Variants in TRDN observed in about 807,000 individuals in gnomAD.
TRDN encodes the protein triadin in skeletal muscle.
In TRDN, 161 loss-of-function variants were observed where a neutral mutation model predicts 149.7. That is an observed-to-expected ratio of 1.08 (90% CI 0.95 to 1.23). The LOEUF is 1.23. Ranked by LOEUF, TRDN falls within the 50% of genes most tolerant of loss-of-function variation. The pLI is 0.00. For missense variants in TRDN, 896 were observed against 823.5 expected (o/e 1.09, Z -1.08); for synonymous variants, 294 against 250.5 (o/e 1.17, Z -1.64).
intron 21 of TRDN, among the ~76,000 whole-genome samples, chr6:123,339,653 C>T (rs1206206563): frequency 6.6e-6 from 1 of 152,080 alleles, no homozygotes; most frequent in Non-Finnish European, 1.5e-5. Context: ...TTGCTTTGTT[C>T]ACACAGACTG....
chr6:123,366,581 A>C (rs1781108703), intron 19 of TRDN, among the ~76,000 whole-genome samples: 1 of 151,984 alleles, frequency 6.6e-6, no homozygotes, highest in Non-Finnish European at 1.5e-5. Context: ...GCAGTGGCGC[A>C]ATCTCGACTC....
chr6:123,532,310 G>C (rs1780287896), intron 4 of TRDN, among the ~76,000 whole-genome samples: 1 of 152,026 alleles, frequency 6.6e-6, no homozygotes, highest in South Asian at 2.1e-4. Flanking sequence ...AGTTTGGCTA[G>C]GCTATTATCC....
At chr6:123,393,498 C>A (rs1772593077) in intron 13 of TRDN, 126 bp downstream of exon 13, 2 of 827,652 alleles carry the variant, frequency 2.4e-6, no homozygotes, top group East Asian at 2.8e-5. Context: ...TTTCATTCAA[C>A]AATATTTTTT....
At chr6:123,353,670 G>A (rs1207350298) in intron 20 of TRDN, among the ~76,000 whole-genome samples, 3 of 150,064 alleles carry the variant, frequency 2.0e-5, no homozygotes, top group African/African-American at 7.3e-5. Flanking sequence ...AGGGAGGGAG[G>A]GAAAAAAAGG....
intron 15 of TRDN, 85 bp from the exon 16 acceptor site, chr6:123,381,475 T>G (rs1275222440): frequency 1.9e-5 from 24 of 1,280,870 alleles, no homozygotes; most frequent in Non-Finnish European, 2.6e-5. Flanking sequence ...ACTGTAATTT[T>G]TCCCACCCCT....
At chr6:123,334,508 A>G (rs1469166457) in intron 22 of TRDN, among the ~76,000 whole-genome samples, 1 of 152,058 alleles carries the variant, frequency 6.6e-6, no homozygotes, top group Non-Finnish European at 1.5e-5. Context: ...TATCAGGGAT[A>G]GGGTTGAATG....
At chr6:123,317,803 T>C (rs1274431420) in intron 23 of TRDN, among the ~76,000 whole-genome samples, 1 of 151,956 alleles carries the variant, frequency 6.6e-6, no homozygotes, top group Non-Finnish European at 1.5e-5. Context: ...ACAAATATTG[T>C]TGAAGGAATG....
In TRDN at chr6:123,340,574, A is replaced by G. The variant is rs533333248; in HGVS notation, c.1370-2905T>C. Reference sequence around the variant, plus strand: ...ATAAAGAACCAAATTCAAAATTCTTAATCTTTCTTACCCAGCTTGCTCTAC... The same window carrying G: ...ATAAAGAACCAAATTCAAAATTCTTGATCTTTCTTACCCAGCTTGCTCTAC... On this transcript the variant is annotated intron_variant, in intron 21 of 40. Coordinates refer to ENST00000334268, the MANE Select transcript of TRDN (RefSeq NM_006073.4). 2.6e-5 allele frequency among the ~76,000 whole-genome samples: 4 copies of G among 152,162 alleles called. No homozygotes were observed. The East Asian group carries it at 7.7e-4, about 29-fold the overall frequency.
In TRDN at chr6:123,443,608, A is replaced by G. The variant is rs183889443; in HGVS notation, c.932-4605T>C. Among the ~76,000 whole-genome samples, 38 of 152,188 alleles carry G rather than the reference A, an allele frequency of 2.5e-4. No individual in the cohort carries two copies. In the East Asian group the frequency reaches 7.4e-3, roughly 29 times the overall value. ...GAGATCGAGACCATCCTGGCTAACA[A>G]GGGGAAATCCCGTCACGACTAAAAA... On this transcript the variant is annotated intron_variant, in intron 10 of 40. Transcript: ENST00000334268.
At chr6:123,551,008 G>A (rs944505745) in intron 2 of TRDN, among the ~76,000 whole-genome samples, 4 of 151,542 alleles carry the variant, frequency 2.6e-5, no homozygotes, top group African/African-American at 9.7e-5. Flanking sequence ...ACCATTAAAG[G>A]CATTTTTAGC....
intron 12 of TRDN, among the ~76,000 whole-genome samples, chr6:123,419,647 G>A (rs761586114): frequency 2.0e-5 from 3 of 152,050 alleles, no homozygotes; most frequent in East Asian, 1.9e-4. Context: ...CACAGCACTC[G>A]CAAATACATA....
intron 9 of TRDN, chr6:123,470,432 GT>G (rs1777089599): frequency 6.6e-6 from 1 of 152,166 alleles, no homozygotes; most frequent in African/African-American, 2.4e-5. Flanking sequence ...AGGGACAATG[GT>G]GAAGATAGGG....
intron 1 of TRDN, among the ~76,000 whole-genome samples, chr6:123,630,657 C>T (rs976433893): frequency 2.0e-4 from 31 of 151,766 alleles, no homozygotes; most frequent in African/African-American, 7.3e-4. Flanking sequence ...ATACTATGTG[C>T]TTATGGGGTG....
chr6:123,326,457 C>T (rs1271092219), intron 23 of TRDN, among the ~76,000 whole-genome samples: 35 of 120,136 alleles, frequency 2.9e-4, no homozygotes, highest in Non-Finnish European at 5.4e-5. Flanking sequence ...CATGTTGAAG[C>T]AATTTTGAAA....
rs368728413 is a variant in TRDN, at chr6:123,627,904, G to T, written c.22+8850C>A. 1.9e-3 allele frequency among the ~76,000 whole-genome samples: 293 copies of T among 152,216 alleles called. 4 individuals carry two copies. The South Asian group carries it at 0.058, about 30-fold the overall frequency. ...TCTGCTAGCTTCCAACTTTTCTTCT[G>T]CAGCTTCCTTACCTCTCCACATCTT... On this transcript the variant is annotated intron_variant, in intron 1 of 40. Transcript: ENST00000334268.
intron 12 of TRDN, among the ~76,000 whole-genome samples, chr6:123,403,671 T>C (rs1407714962): frequency 1.3e-5 from 2 of 152,118 alleles, no homozygotes; most frequent in Non-Finnish European, 2.9e-5. Flanking sequence ...ATAGCAGGAA[T>C]ACACAGCTGT....
At chr6:123,457,378 A>G (rs1165213109) in intron 10 of TRDN, among the ~76,000 whole-genome samples, 1 of 152,244 alleles carries the variant, frequency 6.6e-6, no homozygotes, top group Non-Finnish European at 1.5e-5. Context: ...TCTTATGGAT[A>G]GGACAGTGAG....
chr6:123,539,503 T>C (rs1780718832), intron 4 of TRDN, among the ~76,000 whole-genome samples: 1 of 152,174 alleles, frequency 6.6e-6, no homozygotes, highest in Non-Finnish European at 1.5e-5. Context: ...GTTTTACAGG[T>C]GTGAGAACTG....
intron 38 of TRDN, among the ~76,000 whole-genome samples, chr6:123,249,711 C>T (rs543003502): frequency 8.5e-5 from 13 of 152,134 alleles, no homozygotes; most frequent in African/African-American, 2.6e-4. Flanking sequence ...TTATCACTTA[C>T]AAGTGGGAGC....
Sources: allele counts gnomAD v4.1 joint callset (sites outside exome capture counted in the v4.1 genomes callset), GRCh38; gene constraint gnomAD v4.1.1; transcripts MANE v1.5; gene names NCBI Gene and HGNC (gene_info 2026-07-23, HGNC 2026-07-21).